TGM4: variants seen among roughly 807,000 people sequenced by gnomAD.
The protein encoded by TGM4 is transglutaminase 4.
Under a neutral mutation model 76.3 loss-of-function variants are expected in TGM4, and 61 were observed. That is an observed-to-expected ratio of 0.80 (90% CI 0.65 to 0.99). The LOEUF (loss-of-function observed/expected upper bound fraction) is 0.99. Ranked by LOEUF, TGM4 falls within the 50% of genes least tolerant of loss-of-function variation. TGM4 has a pLI of 0.00. For synonymous variants in TGM4, 337 were observed against 329.8 expected (o/e 1.02, Z -0.24); for missense variants, 794 against 843.2 (o/e 0.94, Z 0.72).
rs369051191 is a variant in TGM4, at chr3:44,907,265, A to G, written c.1327+65A>G. 15 of 1,567,830 alleles carry G rather than the reference A, an allele frequency of 9.6e-6. No individual in the cohort carries two copies. The African/African-American group carries it at 2.0e-4, about 21-fold the overall frequency. On this transcript the variant is annotated intron_variant, in intron 10 of 13. Coordinates refer to ENST00000296125, the MANE Select transcript of TGM4 (RefSeq NM_003241.4). ...GTCACCCAGAACATGAAAATAGTCA[A>G]GATTGGGGGTGGGCCTGGGCAACAT...
chr3:44,911,578 C>T (rs1229954970), intron 13 of TGM4, among the ~76,000 whole-genome samples, 172 bp downstream of exon 13: 2 of 152,154 alleles, frequency 1.3e-5, no homozygotes, highest in Non-Finnish European at 2.9e-5. Context: ...TATGCTCTAC[C>T]GACAGATCTT....
At chr3:44,903,289 T>C (rs4683007) in intron 8 of TGM4, among the ~76,000 whole-genome samples, 70,349 of 152,022 alleles carry the variant, frequency 0.46, 16,810 homozygotes, top group East Asian at 0.81. Context: ...TACCGAGGAA[T>C]GACTGTTAAT....
Position 44,907,124 on chromosome 3 carries a change from C to T in TGM4, c.1251C>T (p.Ile417=), listed in dbSNP as rs150462940. Residue 417 remains isoleucine, a synonymous_variant, in exon 10 of 14, where the codon ATC becomes ATT. Coordinates refer to ENST00000296125, the MANE Select transcript of TGM4 (RefSeq NM_003241.4). ...LHVISMETTS[I]GKNISTKAVG... is the part of the protein sequence containing the mutation. ...TAATTTCAATGGAGACCACAAGCAT[C>T]GGGAAAAACATCAGCACCAAGGCAG... is the stretch of plus-strand genomic sequence containing the variant. 3.5e-4 allele frequency: 562 copies of T among 1,613,956 alleles called. 3 individuals carry two copies. The highest frequency in any genetic ancestry group is 2.7e-3 in the African/African-American group (201 of 74,958).
intron 6 of TGM4, among the ~76,000 whole-genome samples, chr3:44,900,203 C>T (rs373035048): frequency 3.9e-5 from 6 of 152,322 alleles, no homozygotes; most frequent in African/African-American, 9.6e-5. Flanking sequence ...GTCTAGCAGG[C>T]GCTGACAGGC....
chr3:44,895,912 G>A (rs1365513463), intron 5 of TGM4, among the ~76,000 whole-genome samples: 6 of 152,090 alleles, frequency 3.9e-5, no homozygotes, highest in East Asian at 3.8e-4. Context: ...CAAAAGTAAC[G>A]TGCTTATCAC....
In TGM4 at chr3:44,890,747, A is replaced by G; in HGVS notation, c.430+15A>G. On this transcript the variant is annotated intron_variant, in intron 4 of 13. Coordinates refer to ENST00000296125, the MANE Select transcript of TGM4 (RefSeq NM_003241.4). Reference sequence around the variant, plus strand: ...ATGGTGTAAAGGTACTGTGAATCTCAGGTCTGCTGGGGAATGGCAGGTGAC... The same window carrying G: ...ATGGTGTAAAGGTACTGTGAATCTCGGGTCTGCTGGGGAATGGCAGGTGAC... The G allele has an allele frequency of 6.2e-7, 1 of 1,611,956 alleles. No homozygotes were observed. Among genetic ancestry groups the G allele is most frequent in the Non-Finnish European group, 8.5e-7 (1 of 1,178,280 alleles).
rs773952176 is a variant in TGM4 at position 44,910,180 on chromosome 3, T to C, written c.1418T>C (p.Leu473Pro). Residue 473 changes from leucine to proline, a missense_variant, in exon 11 of 14, where the codon CTT (leucine) becomes CCT (proline). By Grantham distance (98) the Leu-to-Pro change is moderately conservative. Coordinates refer to ENST00000296125, the MANE Select transcript of TGM4 (RefSeq NM_003241.4). ...EHRRPVKENF[L>P]HMSVQSDDVL... The stretch of plus-strand genomic sequence containing the variant: ...AGACGACCTGTAAAAGAGAACTTTC[T>C]TCACATGTCGGTACAATCAGATGAT... 15 of 1,614,122 alleles carry C rather than the reference T, an allele frequency of 9.3e-6. No homozygotes were observed. Among genetic ancestry groups the C allele is most frequent in the Non-Finnish European group, 1.2e-5 (14 of 1,180,056 alleles).
chr3:44,887,546 G>A (rs1482549118), intron 2 of TGM4, 143 bp from the exon 3 acceptor site: 1 of 674,366 alleles, frequency 1.5e-6, no homozygotes, highest in Admixed American at 2.9e-5. Context: ...TGCAGAATTA[G>A]AGGGGCTGGA....
intron 1 of TGM4, among the ~76,000 whole-genome samples, chr3:44,881,873 T>C (rs1699537637): frequency 6.6e-6 from 1 of 152,184 alleles, no homozygotes; most frequent in Admixed American, 6.5e-5. Context: ...TTTTTAATAC[T>C]CAAATAATTT....
rs1233553383 is a variant in TGM4 at position 44,910,225 on chromosome 3, TTA to T, written c.1464_1465del (p.Asn489PhefsTer6). 3 of 1,614,126 alleles carry T rather than the reference TTA, an allele frequency of 1.9e-6. No individual in the cohort carries two copies. Among genetic ancestry groups the T allele is most frequent in the Admixed American group, 3.3e-5 (2 of 60,000 alleles). Reference sequence around the variant, plus strand: ...GATGATGTGCTGCTGGGAAACTCTGTTAATTTCACCGTGATTCTTAAAAGGAA... The same window carrying T: ...GATGATGTGCTGCTGGGAAACTCTGTATTTCACCGTGATTCTTAAAAGGAA... On this transcript the variant is annotated frameshift_variant, in exon 11 of 14. Transcript: ENST00000296125. LOFTEE classifies it high-confidence loss of function.
In TGM4 at chr3:44,901,699, G is replaced by GA. The variant is rs776763804; in HGVS notation, c.832+1_832+2insA. On this transcript the variant is annotated splice_donor_variant, in intron 7 of 13. Coordinates refer to ENST00000296125, the MANE Select transcript of TGM4 (RefSeq NM_003241.4). LOFTEE classifies it high-confidence loss of function. ...GTGTTTGCTGGGATCCTGACTACAG[G>GA]TAAGTGGCAGATCCAGGGGCTGAGG... 1.5e-5 allele frequency: 25 copies of GA among 1,613,456 alleles called. No individual in the cohort carries two copies. In the African/African-American group the frequency reaches 1.6e-4, roughly 10 times the overall value.
At chr3:44,895,021 C>A (rs183155639) in intron 5 of TGM4, among the ~76,000 whole-genome samples, 1 of 152,250 alleles carries the variant, frequency 6.6e-6, no homozygotes, top group East Asian at 1.9e-4. Flanking sequence ...GTGGGCCGGG[C>A]ACGGTGGCTC....
chr3:44,877,751 C>T (rs950485069), intron 1 of TGM4, among the ~76,000 whole-genome samples: 3 of 152,144 alleles, frequency 2.0e-5, no homozygotes, highest in Non-Finnish European at 4.4e-5. Context: ...CTAGAAGGCT[C>T]TCTGGCAACA....
At chr3:44,881,239 C>G (rs575993673) in intron 1 of TGM4, among the ~76,000 whole-genome samples, 52 of 152,140 alleles carry the variant, frequency 3.4e-4, no homozygotes, top group Non-Finnish European at 6.8e-4. Flanking sequence ...TAAATAACCT[C>G]TCACTATTTT....
intron 6 of TGM4, among the ~76,000 whole-genome samples, chr3:44,897,628 T>C (rs6768893): frequency 0.23 from 34,702 of 152,110 alleles, 4,040 homozygotes; most frequent in Middle Eastern, 0.32. Flanking sequence ...ATATTTTGGT[T>C]TCAAGACCTC....
chr3:44,911,012 T>C lies in TGM4; in HGVS notation c.1661T>C (p.Ile554Thr), dbSNP rs765870012. ...AAGACCTACATCAACAGCCTGGCTATATTAGATGATGAGCCAGTTATCAGA... is the reference window on the plus strand; with the variant it reads ...AAGACCTACATCAACAGCCTGGCTACATTAGATGATGAGCCAGTTATCAGA... ...DSKTYINSLA[I>T]LDDEPVIRGF... Residue 554 changes from isoleucine (I) to threonine (T), a missense_variant, in exon 12 of 14, where the codon ATA (isoleucine) becomes ACA (threonine). Coordinates refer to ENST00000296125, the MANE Select transcript of TGM4 (RefSeq NM_003241.4). 1.3e-5 allele frequency: 21 copies of C among 1,614,214 alleles called. 1 individual carries two copies. In the East Asian group the frequency reaches 3.8e-4, roughly 29 times the overall value.
At chr3:44,906,441 G>A (rs1421832804) in intron 9 of TGM4, among the ~76,000 whole-genome samples, 1 of 152,100 alleles carries the variant, frequency 6.6e-6, no homozygotes, top group Non-Finnish European at 1.5e-5. Flanking sequence ...GAATGGAAAT[G>A]TTCTTATTAG....
intron 1 of TGM4, among the ~76,000 whole-genome samples, chr3:44,877,630 T>C (rs1699468070): frequency 6.6e-6 from 1 of 151,372 alleles, no homozygotes. Flanking sequence ...AAAACAGCAA[T>C]GAGATTTCAT....
rs1209108644 is a variant in TGM4, at chr3:44,887,705, C to T, written c.210C>T (p.Ile70=). Residue 70 remains isoleucine (I), a synonymous_variant, in exon 3 of 14, where the codon ATC becomes ATT. Coordinates refer to ENST00000296125, the MANE Select transcript of TGM4 (RefSeq NM_003241.4). The part of the protein sequence containing the change: ...LEFSTGPNPS[I]AKHTLVVLDP... ...TGTCTCCAGGGCCGAATCCTAGCAT[C>T]GCCAAACACACCCTGGTGGTGCTCG... The T allele has an allele frequency of 9.3e-6, 15 of 1,613,848 alleles. No individual in the cohort carries two copies. Among genetic ancestry groups the T allele is most frequent in the Non-Finnish European group, 1.3e-5 (15 of 1,179,930 alleles).
Sources: gnomAD v4.1 joint callset for allele counts (sites outside exome capture counted in the v4.1 genomes callset) on GRCh38, gnomAD v4.1.1 for gene constraint, MANE v1.5 for transcripts, NCBI Gene and HGNC (gene_info 2026-07-23, HGNC 2026-07-21) for gene names.